The following GALNT13 variants were observed in gnomAD, a reference collection of about 807,000 sequenced individuals.
GALNT13 encodes the protein polypeptide N-acetylgalactosaminyltransferase 13, also known as UDP-GalNAc:polypeptide N-acetylgalactosaminyltransferase 13.
A neutral mutation model predicts 64.2 loss-of-function variants in GALNT13; 28 were observed. The observed-to-expected ratio is 0.44, with a 90% CI of 0.32 to 0.60. The LOEUF is 0.60. GALNT13 is among the 20% of genes least tolerant of loss of function. The pLI is 0.05. For synonymous variants in GALNT13, 214 were observed against 224.6 expected (o/e 0.95, Z 0.42); for missense variants, 577 against 669.8 (o/e 0.86, Z 1.53).
the GALNT13 span, among the ~76,000 whole-genome samples, chr2:153,612,632 C>A: frequency 7.9e-5 from 12 of 151,092 alleles, no homozygotes; most frequent in African/African-American, 1.2e-4. Context: ...AATAAGAAAA[C>A]AAAGAAAAAA....
the GALNT13 span, among the ~76,000 whole-genome samples, chr2:153,557,457 G>A: frequency 2.6e-5 from 4 of 152,018 alleles, no homozygotes; most frequent in African/African-American, 7.3e-5. Context: ...TTCCATCCTC[G>A]CCTGTCCCTT....
At chr2:154,007,243 C>A (rs1221769542) in intron 3 of GALNT13, among the ~76,000 whole-genome samples, 1 of 152,092 alleles carries the variant, frequency 6.6e-6, no homozygotes, top group African/African-American at 2.4e-5. Flanking sequence ...AACAAGAAAA[C>A]AGGGACTTCA....
chr2:154,312,249 C>T (rs1694086878), intron 9 of GALNT13, among the ~76,000 whole-genome samples: 2 of 152,210 alleles, frequency 1.3e-5, no homozygotes, highest in South Asian at 2.1e-4. Flanking sequence ...ATAAAATCTT[C>T]GCAATCCACA....
chr2:154,370,068 A>T (rs1198032305), intron 9 of GALNT13, among the ~76,000 whole-genome samples: 2 of 152,068 alleles, frequency 1.3e-5, no homozygotes, highest in East Asian at 1.9e-4. Context: ...TTCATTTTTT[A>T]AATTTTCCTC....
the GALNT13 span, among the ~76,000 whole-genome samples, chr2:153,777,086 T>C: frequency 1.3e-5 from 2 of 151,790 alleles, no homozygotes; most frequent in African/African-American, 4.9e-5. Context: ...TAGATTGACA[T>C]TTTGTAAAAA....
chr2:153,870,468 C>A (rs562447673), upstream of GALNT13, among the ~76,000 whole-genome samples: 5 of 151,846 alleles, frequency 3.3e-5, no homozygotes, highest in Admixed American at 2.6e-4. Context: ...AGGTGAGTGA[C>A]CTGATGTTAG....
At chr2:153,836,922 G>T in the GALNT13 span, among the ~76,000 whole-genome samples, 1 of 152,028 alleles carries the variant, frequency 6.6e-6, no homozygotes, top group Non-Finnish European at 1.5e-5. Context: ...GGACATTTGG[G>T]TTGGTTCAAA....
the GALNT13 span, among the ~76,000 whole-genome samples, chr2:153,774,017 TTGA>T: frequency 2.6e-5 from 4 of 152,190 alleles, no homozygotes; most frequent in African/African-American, 9.7e-5. Flanking sequence ...ATATAATCAA[TTGA>T]TGATTGATTA....
chr2:153,380,056 A>G, the GALNT13 span, among the ~76,000 whole-genome samples: 3 of 152,260 alleles, frequency 2.0e-5, no homozygotes, highest in African/African-American at 7.2e-5. Context: ...GAGGTGGAGC[A>G]GGACTCTCTC....
chr2:154,032,614 A>C (rs1356964827), intron 3 of GALNT13, among the ~76,000 whole-genome samples: 1 of 151,954 alleles, frequency 6.6e-6, no homozygotes, highest in Non-Finnish European at 1.5e-5. Flanking sequence ...TTAACATTAG[A>C]AAATCAATGT....
At chr2:154,185,187 G>A (rs1022911186) in intron 4 of GALNT13, among the ~76,000 whole-genome samples, 1 of 152,068 alleles carries the variant, frequency 6.6e-6, no homozygotes, top group African/African-American at 2.4e-5. Flanking sequence ...GACCTGACAT[G>A]CAGAGTGTTG....
intron 4 of GALNT13, among the ~76,000 whole-genome samples, chr2:154,140,862 G>A (rs1683220988): frequency 6.6e-6 from 1 of 152,052 alleles, no homozygotes; most frequent in Non-Finnish European, 1.5e-5. Flanking sequence ...CTGCAGAAAT[G>A]TTCTGGAAAA....
At chr2:153,163,910 C>T in the GALNT13 span, among the ~76,000 whole-genome samples, 5 of 150,976 alleles carry the variant, frequency 3.3e-5, no homozygotes, top group East Asian at 2.0e-4. Flanking sequence ...CCCAGCTACT[C>T]GGGAGGCTGA....
the GALNT13 span, among the ~76,000 whole-genome samples, chr2:153,633,115 G>T: frequency 1.3e-5 from 2 of 152,092 alleles, no homozygotes; most frequent in Non-Finnish European, 2.9e-5. Context: ...ACCATAGTTT[G>T]TTTGTTCCTT....
intron 3 of GALNT13, among the ~76,000 whole-genome samples, chr2:154,030,795 G>A (rs62173317): frequency 0.2 from 31,003 of 151,958 alleles, 4,067 homozygotes; most frequent in Middle Eastern, 0.33. Flanking sequence ...GATGTACCTT[G>A]TTTCCCCTTC....
At chr2:154,105,854 T>C (rs1702586901) in intron 3 of GALNT13, among the ~76,000 whole-genome samples, 1 of 152,210 alleles carries the variant, frequency 6.6e-6, no homozygotes. Flanking sequence ...TTTCAATTAA[T>C]TTAAATTAAA....
At chr2:153,927,935 A>G (rs1053719127) in intron 2 of GALNT13, among the ~76,000 whole-genome samples, 1 of 152,148 alleles carries the variant, frequency 6.6e-6, no homozygotes, top group Non-Finnish European at 1.5e-5. Flanking sequence ...GTTGTTAAAA[A>G]TCAATCATTA....
the GALNT13 span, among the ~76,000 whole-genome samples, chr2:153,068,605 G>T: frequency 6.6e-6 from 1 of 152,114 alleles, no homozygotes; most frequent in African/African-American, 2.4e-5. Context: ...ATTTGGTGTG[G>T]TTATACATGA....
the GALNT13 span, among the ~76,000 whole-genome samples, chr2:153,221,660 G>A: frequency 1.3e-5 from 2 of 152,116 alleles, no homozygotes; most frequent in Non-Finnish European, 2.9e-5. Context: ...TGGATCCCCC[G>A]CCTGCCAAGG....
Sources: allele counts gnomAD v4.1 joint callset (sites outside exome capture counted in the v4.1 genomes callset), GRCh38; gene constraint gnomAD v4.1.1; transcripts MANE v1.5; gene names NCBI Gene and HGNC (gene_info 2026-07-23, HGNC 2026-07-21).